The following ATP11A variants were observed in gnomAD, a reference collection of about 807,000 sequenced individuals.
ATP11A encodes the protein phospholipid-transporting ATPase IH.
Under a neutral mutation model 154.4 loss-of-function variants are expected in ATP11A, and 81 were observed. The ratio of observed to expected loss-of-function variants is 0.52; its 90% CI spans 0.44 to 0.63. ATP11A has a LOEUF of 0.63. ATP11A is among the 30% of genes least tolerant of loss of function. The pLI, the probability that ATP11A is intolerant of heterozygous loss-of-function variation, is 0.00. For synonymous variants in ATP11A, 623 were observed against 585.9 expected (o/e 1.06, Z -0.91); for missense variants, 1,316 against 1,474.3 (o/e 0.89, Z 1.76).
chr13:112,830,993 A>G (rs1357985915), intron 12 of ATP11A, among the ~76,000 whole-genome samples: 3 of 151,972 alleles, frequency 2.0e-5, no homozygotes, highest in Admixed American at 1.3e-4. Flanking sequence ...TGTTGTTAAG[A>G]TTCGGGACAA....
At chr13:112,804,930 A>G in intron 2 of ATP11A, 27 bp from the exon 3 acceptor site, 1 of 1,438,668 alleles carries the variant, frequency 7.0e-7, no homozygotes, top group Non-Finnish European at 9.7e-7. Flanking sequence ...GATCTCAATG[A>G]TGGATGTTTG....
chr13:112,722,910 A>G (rs1267196149), intron 1 of ATP11A, among the ~76,000 whole-genome samples: 1 of 152,060 alleles, frequency 6.6e-6, no homozygotes, highest in Non-Finnish European at 1.5e-5. Flanking sequence ...GAAGTAAAGT[A>G]GGCGGATTCA....
chr13:112,860,302 G>A lies in ATP11A; in HGVS notation c.2743G>A (p.Ala915Thr), dbSNP rs61746637. ...CCTCTTACAGACTTTGTACGACACC[G>A]CGTATCTGACCCTCTACAACATCAG... is the stretch of plus-strand genomic sequence containing the variant. ...GFSQQTLYDT[A>T]YLTLYNISFT... is the part of the protein sequence containing the mutation. The change falls in exon 24 of 30, where the codon GCG becomes ACG. Residue 915 changes from alanine to threonine, a missense_variant. This residue lies in a region of ATP11A where 294 missense variants were observed against 290.2 expected (regional missense o/e 1.01). Coordinates refer to ENST00000375645, the MANE Select transcript of ATP11A (RefSeq NM_015205.3). The A allele has an allele frequency of 0.023, 36,571 of 1,613,904 alleles. 497 individuals are homozygous for A. Among genetic ancestry groups the A allele is most frequent in the Middle Eastern group, 0.063 (384 of 6,060 alleles).
intron 1 of ATP11A, among the ~76,000 whole-genome samples, chr13:112,702,326 A>G (rs907361390): frequency 1.4e-5 from 2 of 143,138 alleles, no homozygotes; most frequent in African/African-American, 2.5e-5. Context: ...AGCCTGGGCA[A>G]CACAGTGAGA....
intron 1 of ATP11A, among the ~76,000 whole-genome samples, chr13:112,748,613 G>A (rs571147545): frequency 1.3e-5 from 2 of 152,224 alleles, no homozygotes; most frequent in South Asian, 2.1e-4. Flanking sequence ...CGATCCATTC[G>A]CCGAGGCCTC....
chr13:112,836,121 G>T, intron 15 of ATP11A, 57 bp from the exon 16 acceptor site: 1 of 1,312,934 alleles, frequency 7.6e-7, no homozygotes, highest in Non-Finnish European at 1.1e-6. Context: ...ACAGTTACCA[G>T]ATGGAATCAC....
rs533171213 is a variant in ATP11A, at chr13:112,730,587, G to A, written c.39+40132G>A. On this transcript the variant is annotated intron_variant, in intron 1 of 29. Transcript: ENST00000375645. ...CACAGCGTGAGCACCGGGTGCCTGC[G>A]CAGGTGCGGGAGGATGGGGCTCCCG... Among the ~76,000 whole-genome samples the A allele has an allele frequency of 8.5e-5, 13 of 152,372 alleles. No individual in the cohort carries two copies. The East Asian group carries it at 1.4e-3, about 16-fold the overall frequency.
At chr13:112,878,934 A>C (rs1427317453) in intron 29 of ATP11A, among the ~76,000 whole-genome samples, 1 of 152,004 alleles carries the variant, frequency 6.6e-6, no homozygotes, top group Non-Finnish European at 1.5e-5. Flanking sequence ...TTAAATGAAA[A>C]CCTCATTGTT....
In ATP11A at chr13:112,797,410, C is replaced by T. The variant is rs574155735; in HGVS notation, c.163-7547C>T. 3.4e-4 allele frequency among the ~76,000 whole-genome samples: 52 copies of T among 151,708 alleles called. No individual in the cohort carries two copies. In the South Asian group the frequency reaches 0.011, roughly 31 times the overall value. ...TAATGGCAGATGCCAAACTACCGAT[C>T]CAGGAAGCTCAGAGATAAATACAAA... On this transcript the variant is annotated intron_variant, in intron 2 of 29. Coordinates refer to ENST00000375645, the MANE Select transcript of ATP11A (RefSeq NM_015205.3).
intron 1 of ATP11A, among the ~76,000 whole-genome samples, chr13:112,723,112 C>T (rs998847961): frequency 1.3e-4 from 20 of 151,830 alleles, no homozygotes; most frequent in African/African-American, 4.8e-4. Context: ...GCAGGCGGGA[C>T]TTAACCCTCA....
intron 25 of ATP11A, among the ~76,000 whole-genome samples, chr13:112,868,809 A>G (rs1933202): frequency 0.37 from 56,756 of 151,866 alleles, 10,689 homozygotes; most frequent in East Asian, 0.45. Flanking sequence ...ATCGAGCCAC[A>G]GTTCTGCAGG....
intron 1 of ATP11A, among the ~76,000 whole-genome samples, chr13:112,777,576 A>G (rs1251398198): frequency 3.3e-5 from 5 of 152,296 alleles, no homozygotes; most frequent in East Asian, 3.9e-4. Flanking sequence ...AAAAATATAT[A>G]TAATAACATA....
At chr13:112,850,157 T>C (rs2079722545) in intron 17 of ATP11A, among the ~76,000 whole-genome samples, 2 of 152,238 alleles carry the variant, frequency 1.3e-5, no homozygotes, top group Non-Finnish European at 2.9e-5. Context: ...TAGGAGACGC[T>C]TCATCTCATA....
intron 1 of ATP11A, among the ~76,000 whole-genome samples, chr13:112,727,234 A>G (rs979510285): frequency 3.9e-5 from 6 of 152,124 alleles, no homozygotes; most frequent in African/African-American, 1.2e-4. Flanking sequence ...TTTAGTAGAG[A>G]TGGGGTTTCA....
At chr13:112,694,306 T>C (rs1434948065) in intron 1 of ATP11A, among the ~76,000 whole-genome samples, 1 of 152,192 alleles carries the variant, frequency 6.6e-6, no homozygotes, top group Non-Finnish European at 1.5e-5. Flanking sequence ...AGTCCGTTTG[T>C]CATGCCTGGC....
In ATP11A at chr13:112,690,362, C is replaced by T; in HGVS notation, c.-55C>T. The T allele has an allele frequency of 8.1e-7, 1 of 1,234,508 alleles. No homozygotes were observed. Among genetic ancestry groups the T allele is most frequent in the Non-Finnish European group, 1.0e-6 (1 of 986,870 alleles). 76.5% of individuals were successfully genotyped at this position (1,234,508 alleles called of 1,614,324 possible). A position where few individuals can be genotyped will look rare whatever the true frequency, so the allele number is the denominator to read the frequency against. On this transcript the variant is annotated 5_prime_UTR_variant, in exon 1 of 30. Transcript: ENST00000375645. This position sits in a 1 kb window ranked among gnomAD's most constrained non-coding sequence, Gnocchi z 5.6. ...ACTAGTACCCCGGAGCCCATGGGCG[C>T]GCCGAGCCGGGCGCGGGGGCGCTGA...
At chr13:112,760,628 C>T (rs952873737) in intron 1 of ATP11A, among the ~76,000 whole-genome samples, 1 of 152,106 alleles carries the variant, frequency 6.6e-6, no homozygotes, top group Admixed American at 6.5e-5. Flanking sequence ...TGGCCCTGTT[C>T]CCTCTTCTTG....
intron 13 of ATP11A, among the ~76,000 whole-genome samples, chr13:112,832,522 C>T (rs897447558): frequency 6.6e-6 from 1 of 152,294 alleles, no homozygotes; most frequent in Non-Finnish European, 1.5e-5. Flanking sequence ...TGTCTGTGTT[C>T]GTGGCACCGT....
intron 26 of ATP11A, 45 bp downstream of exon 26, chr13:112,871,845 C>T (rs760634960): frequency 1.7e-5 from 27 of 1,567,160 alleles, no homozygotes; most frequent in Non-Finnish European, 2.3e-5. Context: ...CACAGTGAAC[C>T]CCTGCAGTGT....
Sources: gnomAD v4.1 joint callset for allele counts (sites outside exome capture counted in the v4.1 genomes callset) on GRCh38, gnomAD v4.1.1 for gene constraint, gnomAD v4.1.1 regional missense constraint, Gnocchi (gnomAD v3.1) non-coding constraint, MANE v1.5 for transcripts, NCBI Gene and HGNC (gene_info 2026-07-23, HGNC 2026-07-21) for gene names.